The following NDST4 variants were observed in gnomAD, a reference collection of about 807,000 sequenced individuals.
NDST4 encodes the protein N-heparan sulfate sulfotransferase 4.
In NDST4, 63 loss-of-function variants were observed where a neutral mutation model predicts 100.8. The observed-to-expected ratio is 0.62, with a 90% CI of 0.51 to 0.77. The LOEUF (loss-of-function observed/expected upper bound fraction) is 0.77, where lower values mean the gene tolerates loss of function less well. Ranked by LOEUF, NDST4 falls within the 30% of genes least tolerant of loss-of-function variation. NDST4 has a pLI of 0.00. For synonymous variants in NDST4, 377 were observed against 361.8 expected (o/e 1.04, Z -0.48); for missense variants, 943 against 1,018.4 (o/e 0.93, Z 1.01).
At chr4:115,063,531 C>A (rs1728867636) in intron 2 of NDST4, among the ~76,000 whole-genome samples, 1 of 151,766 alleles carries the variant, frequency 6.6e-6, no homozygotes, top group Admixed American at 6.6e-5. Flanking sequence ...TGTTTTATTT[C>A]TTTTTCTCTT....
At chr4:115,027,879 C>A (rs939966399) in intron 2 of NDST4, among the ~76,000 whole-genome samples, 1 of 151,980 alleles carries the variant, frequency 6.6e-6, no homozygotes, top group Non-Finnish European at 1.5e-5. Context: ...CATGGAAAAA[C>A]CCCATCTCTA....
At position 114,909,045 on chromosome 4, in the gene NDST4, GCCT is replaced by G. The variant is rs144451374; in HGVS notation, c.1536+26158_1536+26160del. Among the ~76,000 whole-genome samples, 699 of 152,100 alleles carry G rather than the reference GCCT, an allele frequency of 4.6e-3. 24 individuals are homozygous for G. The East Asian group carries it at 0.074, about 16-fold the overall frequency. ...TCTTTTTCTACTACCTTGATATAAT[GCCT>G]CCTATCCACATCTTAATTAAAACAG... On this transcript the variant is annotated intron_variant, in intron 6 of 13. Coordinates refer to ENST00000264363, the MANE Select transcript of NDST4 (RefSeq NM_022569.3).
At chr4:115,107,295 G>A (rs866658808) in intron 1 of NDST4, among the ~76,000 whole-genome samples, 5 of 152,046 alleles carry the variant, frequency 3.3e-5, no homozygotes, top group African/African-American at 4.8e-5. Context: ...TAGAAGTAAA[G>A]GTGAGACTTC....
intron 1 of NDST4, among the ~76,000 whole-genome samples, chr4:115,104,093 T>C (rs1477045727): frequency 6.6e-6 from 1 of 152,192 alleles, no homozygotes; most frequent in African/African-American, 2.4e-5. Flanking sequence ...ATTGTGTTTA[T>C]ATTCAAAATA....
At chr4:115,049,013 A>G (rs930594248) in intron 2 of NDST4, among the ~76,000 whole-genome samples, 1 of 152,136 alleles carries the variant, frequency 6.6e-6, no homozygotes, top group Admixed American at 6.6e-5. Context: ...AATATTGTGA[A>G]TGTTAAAGAG....
chr4:114,979,590 G>T (rs1488333883), intron 2 of NDST4, among the ~76,000 whole-genome samples: 3 of 151,760 alleles, frequency 2.0e-5, no homozygotes, highest in Non-Finnish European at 4.4e-5. Context: ...ACCACAAGAT[G>T]ATATCAGAAC....
chr4:114,980,846 A>T (rs2126246063), intron 2 of NDST4, among the ~76,000 whole-genome samples: 1 of 152,252 alleles, frequency 6.6e-6, no homozygotes, highest in Non-Finnish European at 1.5e-5. Flanking sequence ...TATAAAAATC[A>T]ATAATTTATT....
chr4:115,014,339 C>T (rs279529), intron 2 of NDST4, among the ~76,000 whole-genome samples: 131,833 of 151,934 alleles, frequency 0.87, 57,661 homozygotes, highest in African/African-American at 0.91. Flanking sequence ...TTAGACCTAA[C>T]GAACTTATGG....
chr4:114,939,123 G>A (rs1345384268), intron 4 of NDST4, among the ~76,000 whole-genome samples: 1 of 152,140 alleles, frequency 6.6e-6, no homozygotes, highest in Non-Finnish European at 1.5e-5. Context: ...GTTCTCTCAG[G>A]TTTCTTCCAT....
chr4:115,109,933 C>T (rs534139909), intron 1 of NDST4, among the ~76,000 whole-genome samples: 25 of 151,842 alleles, frequency 1.6e-4, no homozygotes, highest in Non-Finnish European at 5.9e-5. Flanking sequence ...AACATGTTTA[C>T]CTGTTGGAAT....
chr4:114,950,274 T>A (rs1725961600), intron 4 of NDST4, among the ~76,000 whole-genome samples: 1 of 152,034 alleles, frequency 6.6e-6, no homozygotes, highest in African/African-American at 2.4e-5. Context: ...TTTATCCACT[T>A]TTCCGAGGTT....
chr4:114,848,096 T>C, intron 9 of NDST4, 119 bp downstream of exon 9: 1 of 810,874 alleles, frequency 1.2e-6, no homozygotes, highest in Non-Finnish European at 1.9e-6. Flanking sequence ...AATTAATTTC[T>C]AATTCACTGT....
intron 4 of NDST4, among the ~76,000 whole-genome samples, chr4:114,953,319 T>C (rs551995280): frequency 3.3e-5 from 5 of 152,264 alleles, no homozygotes; most frequent in African/African-American, 9.6e-5. Context: ...GGAGCTTTGA[T>C]GGTCATCTAG....
chr4:114,951,260 C>T (rs868564750), intron 4 of NDST4, among the ~76,000 whole-genome samples: 34 of 150,954 alleles, frequency 2.3e-4, no homozygotes, highest in Middle Eastern at 3.4e-3. Flanking sequence ...CATCCATGTT[C>T]TTTTTTCTTG....
At chr4:114,845,549 C>T (rs577581325) in intron 10 of NDST4, among the ~76,000 whole-genome samples, 1 of 152,268 alleles carries the variant, frequency 6.6e-6, no homozygotes, top group South Asian at 2.1e-4. Context: ...TTTGATAAAT[C>T]AACATTCTAC....
chr4:114,901,719 AT>A (rs986367613), intron 6 of NDST4, among the ~76,000 whole-genome samples: 20 of 146,896 alleles, frequency 1.4e-4, no homozygotes, highest in African/African-American at 2.2e-4. Flanking sequence ...TTGTCTTTCA[AT>A]TTTTTTTTTG....
At chr4:114,874,495 T>C (rs892874607) in intron 6 of NDST4, among the ~76,000 whole-genome samples, 2 of 152,194 alleles carry the variant, frequency 1.3e-5, no homozygotes, top group Non-Finnish European at 2.9e-5. Context: ...ATCACTGTTG[T>C]ATGGGGCAAC....
intron 7 of NDST4, among the ~76,000 whole-genome samples, chr4:114,866,927 C>A (rs1036765774): frequency 6.6e-6 from 1 of 152,070 alleles, no homozygotes; most frequent in Admixed American, 6.6e-5. Context: ...TGAGGAGTTA[C>A]CCCTGAAATT....
intron 6 of NDST4, among the ~76,000 whole-genome samples, chr4:114,930,124 A>T (rs1218595855): frequency 1.3e-5 from 2 of 152,252 alleles, no homozygotes; most frequent in Admixed American, 6.5e-5. Context: ...CTCAATTTTT[A>T]AAAATTATTT....
Sources: gnomAD v4.1 joint callset for allele counts (sites outside exome capture counted in the v4.1 genomes callset) on GRCh38, gnomAD v4.1.1 for gene constraint, MANE v1.5 for transcripts, NCBI Gene and HGNC (gene_info 2026-07-23, HGNC 2026-07-21) for gene names.